The following KMT2C variants were observed in gnomAD, a reference collection of about 807,000 sequenced individuals.
The protein encoded by KMT2C is histone-lysine N-methyltransferase 2C.
KMT2C carries 88 observed loss-of-function variants against 507.9 expected under a neutral mutation model. That is an observed-to-expected ratio of 0.17 (90% CI 0.15 to 0.21). The LOEUF is 0.21. KMT2C is among the 10% of genes least tolerant of loss of function. The pLI, the probability that KMT2C is intolerant of heterozygous loss-of-function variation, is 1.00. For synonymous variants in KMT2C, 2,049 were observed against 2,080.8 expected, an observed-to-expected ratio of 0.98 and a Z score of 0.42; for missense variants, 4,954 against 5,957.8, an observed-to-expected ratio of 0.83 and a Z score of 5.55.
Position 152,178,030 on chromosome 7 carries a change from A to C in KMT2C, c.7443-20T>G. The C allele has an allele frequency of 7.2e-7, 1 of 1,396,194 alleles. No homozygotes were observed. The highest frequency in any genetic ancestry group is 2.8e-5 in the East Asian group (1 of 35,928). 86.5% of individuals were successfully genotyped at this position (1,396,194 alleles called of 1,614,324 possible). On this transcript the variant is annotated intron_variant, in intron 37 of 58. Coordinates refer to ENST00000262189, the MANE Select transcript of KMT2C (RefSeq NM_170606.3). ...CCAAATCTTTTAAAAAAAAAAAAAAAAAAAAAAAAAAAGCAAATAGGTATT... is the reference window on the plus strand; with the variant it reads ...CCAAATCTTTTAAAAAAAAAAAAAACAAAAAAAAAAAAGCAAATAGGTATT...
At chr7:152,255,115 A>G (rs1323222229) in intron 9 of KMT2C, among the ~76,000 whole-genome samples, 2 of 94,022 alleles carry the variant, frequency 2.1e-5, no homozygotes, top group Non-Finnish European at 3.6e-5. Context: ...TCACTTATAT[A>G]TATATATATA....
At chr7:152,195,138 AAG>A in intron 28 of KMT2C, among the ~76,000 whole-genome samples, 1 of 152,262 alleles carries the variant, frequency 6.6e-6, no homozygotes. Context: ...TCAAATTTGT[AAG>A]AGTCACATGT....
At chr7:152,389,222 T>C (rs2116531335) in intron 1 of KMT2C, among the ~76,000 whole-genome samples, 1 of 152,084 alleles carries the variant, frequency 6.6e-6, no homozygotes, top group Admixed American at 6.6e-5. Flanking sequence ...AGAAATTAAA[T>C]TTCTCAATTC....
chr7:152,241,255 G>A (rs1588507376), intron 14 of KMT2C, among the ~76,000 whole-genome samples: 1 of 152,018 alleles, frequency 6.6e-6, no homozygotes, highest in East Asian at 1.9e-4. Flanking sequence ...GCTAGAGTGC[G>A]GTGGTGCGAT....
chr7:152,410,926 T>G (rs2097675839), intron 1 of KMT2C, among the ~76,000 whole-genome samples: 2 of 150,096 alleles, frequency 1.3e-5, no homozygotes, highest in Non-Finnish European at 3.0e-5. Flanking sequence ...ATCACTGGGG[T>G]TGGAAGGTCG....
In KMT2C at chr7:152,145,280, C is replaced by T; in HGVS notation, c.14047G>A (p.Ala4683Thr). The change falls in exon 54 of 59, where the codon GCA becomes ACA. Residue 4683 changes from alanine to threonine, a missense_variant. Around this residue, in one of 29 missense-constraint regions of KMT2C, gnomAD observed 221 missense variants for 304.7 expected, o/e 0.73. Transcript: ENST00000262189. The stretch of plus-strand genomic sequence containing the variant: ...TATCGGAAGGTATAATTTTCACATG[C>T]CTCAACCCCAGGAAGCTGAAAAGAA... ...RIAESLPGVE[A>T]CENYTFRYGR... is the part of the protein sequence containing the mutation. The T allele has an allele frequency of 1.9e-6, 3 of 1,613,940 alleles. No homozygotes were observed. Among genetic ancestry groups the T allele is most frequent in the African/African-American group, 1.3e-5 (1 of 75,036 alleles).
intron 26 of KMT2C, among the ~76,000 whole-genome samples, chr7:152,201,332 G>C (rs1352720580): frequency 7.6e-6 from 1 of 132,016 alleles, no homozygotes; most frequent in East Asian, 2.3e-4. Flanking sequence ...ACACACACAC[G>C]CTGAAAGTTA....
intron 37 of KMT2C, among the ~76,000 whole-genome samples, 163 bp downstream of exon 37, chr7:152,179,671 G>T (rs958485236): frequency 5.1e-5 from 7 of 136,180 alleles, no homozygotes; most frequent in Non-Finnish European, 1.6e-5. Flanking sequence ...GGGGGGGGGG[G>T]GGGTGGTCTC....
intron 23 of KMT2C, among the ~76,000 whole-genome samples, chr7:152,211,532 G>A (rs2094454198): frequency 2.0e-5 from 3 of 152,180 alleles, no homozygotes; most frequent in South Asian, 4.1e-4. Context: ...CTAGTACAAA[G>A]GCCACCTTTC....
chr7:152,424,401 G>A (rs1385594454), intron 1 of KMT2C, among the ~76,000 whole-genome samples: 2 of 152,094 alleles, frequency 1.3e-5, no homozygotes, highest in African/African-American at 2.4e-5. Context: ...GCTTAGCTAG[G>A]TGGTTCCTCT....
chr7:152,400,017 G>T (rs2097562282), intron 1 of KMT2C, among the ~76,000 whole-genome samples: 1 of 152,036 alleles, frequency 6.6e-6, no homozygotes, highest in African/African-American at 2.4e-5. Context: ...ACAAAGAAAA[G>T]ATCACTAGAG....
intron 3 of KMT2C, among the ~76,000 whole-genome samples, chr7:152,320,497 C>T (rs2129205717): frequency 6.6e-6 from 1 of 152,138 alleles, no homozygotes; most frequent in South Asian, 2.1e-4. Flanking sequence ...GATCCACCTG[C>T]CTTGGCCACC....
chr7:152,242,703 G>A (rs1272337599), intron 14 of KMT2C, among the ~76,000 whole-genome samples: 3 of 152,184 alleles, frequency 2.0e-5, no homozygotes, highest in Non-Finnish European at 4.4e-5. Context: ...ATAATGACAC[G>A]TGGAGGATAG....
chr7:152,424,029 G>C (rs982574410), intron 1 of KMT2C, among the ~76,000 whole-genome samples: 5 of 152,128 alleles, frequency 3.3e-5, no homozygotes, highest in African/African-American at 1.2e-4. Flanking sequence ...GAAAAATAAA[G>C]GGTAAGGTTA....
chr7:152,276,286 G>A (rs79832453), intron 6 of KMT2C, among the ~76,000 whole-genome samples: 4 of 151,960 alleles, frequency 2.6e-5, no homozygotes, highest in South Asian at 2.1e-4. Context: ...TTGTAAAATC[G>A]TAGACAATAT....
chr7:152,358,689 A>T lies in KMT2C; in HGVS notation c.162-14T>A. 2 of 1,521,894 alleles carry T rather than the reference A, an allele frequency of 1.3e-6. No individual in the cohort carries two copies. The highest frequency in any genetic ancestry group is 1.8e-6 in the Non-Finnish European group (2 of 1,107,662). 94.3% of individuals were successfully genotyped at this position (1,521,894 alleles called of 1,614,324 possible). Reference sequence around the variant, plus strand: ...CTACTTCGAGGTCTACAGAAAAAAAAAAAAATAATAAGTACATAGAGTTAA... The same window carrying T: ...CTACTTCGAGGTCTACAGAAAAAAATAAAAATAATAAGTACATAGAGTTAA... On this transcript the variant is annotated splice_polypyrimidine_tract_variant and intron_variant, in intron 1 of 58. Coordinates refer to ENST00000262189, the MANE Select transcript of KMT2C (RefSeq NM_170606.3).
chr7:152,250,021 A>AT, intron 12 of KMT2C, 68 bp from the exon 13 acceptor site: 1 of 874,640 alleles, frequency 1.1e-6, no homozygotes, highest in Non-Finnish European at 1.9e-6. Flanking sequence ...CCTCAACAGT[A>AT]ATTTGAGTAA....
intron 6 of KMT2C, among the ~76,000 whole-genome samples, chr7:152,303,653 A>T (rs576623796): frequency 2.9e-4 from 43 of 150,208 alleles, no homozygotes; most frequent in Non-Finnish European, 5.0e-4. Flanking sequence ...CAGAATAAAA[A>T]ACTCACACAA....
At chr7:152,221,882 T>G (rs2094782855) in intron 22 of KMT2C, 119 bp downstream of exon 22, 1 of 674,102 alleles carries the variant, frequency 1.5e-6, no homozygotes, top group African/African-American at 1.9e-5. Context: ...ATTACCAACA[T>G]TACAGAATTT....
Sources: gnomAD v4.1 joint callset for allele counts (sites outside exome capture counted in the v4.1 genomes callset) on GRCh38, gnomAD v4.1.1 for gene constraint, gnomAD v4.1.1 regional missense constraint, MANE v1.5 for transcripts, NCBI Gene and HGNC (gene_info 2026-07-23, HGNC 2026-07-21) for gene names.